Variants in CDCA5 observed in about 807,000 individuals in gnomAD.
CDCA5 encodes the protein cell division cycle associated 5.
CDCA5 carries 14 observed loss-of-function variants against 25.7 expected under a neutral mutation model. That is an observed-to-expected ratio of 0.54 (90% CI 0.36 to 0.85). The LOEUF is 0.85. CDCA5 is among the 40% of genes least tolerant of loss of function. The probability of loss-of-function intolerance (pLI) is 0.01; values close to 1 mark genes in which losing one functional copy is unlikely to be tolerated. For missense variants in CDCA5, 307 were observed against 324.5 expected, an observed-to-expected ratio of 0.95 and a Z score of 0.41; for synonymous variants, 127 against 128.7, an observed-to-expected ratio of 0.99 and a Z score of 0.09.
intron 4 of CDCA5, among the ~76,000 whole-genome samples, chr11:65,082,021 AG>A (rs1307720649): frequency 6.6e-6 from 1 of 152,212 alleles, no homozygotes; most frequent in Admixed American, 6.5e-5. Flanking sequence ...AAGGGTGGTC[AG>A]GGAAGGCCAC....
downstream of CDCA5, among the ~76,000 whole-genome samples, chr11:65,073,774 G>T (rs188020908): frequency 6.6e-6 from 1 of 152,304 alleles, no homozygotes; most frequent in African/African-American, 2.4e-5. Context: ...GGGAAGAAGA[G>T]ACTTCAAAGG....
intron 1 of CDCA5, among the ~76,000 whole-genome samples, chr11:65,069,250 A>AG (rs1236037227): frequency 6.6e-6 from 1 of 151,490 alleles, no homozygotes; most frequent in Non-Finnish European, 1.5e-5. Flanking sequence ...AAAAAAAAAA[A>AG]AAAAAAGCTG....
chr11:65,079,913 C>G, intron 4 of CDCA5, 126 bp from the exon 5 acceptor site: 3 of 628,162 alleles, frequency 4.8e-6, no homozygotes, highest in Non-Finnish European at 4.9e-6. Context: ...TTTTTTGAGA[C>G]GGAGTCTTGC....
At position 65,083,647 on chromosome 11, in the gene CDCA5, G is replaced by A; in HGVS notation, c.123C>T (p.Leu41=). Residue 41 remains leucine (L), a synonymous_variant, in exon 2 of 6, where the codon CTC becomes CTT. Transcript: ENST00000275517. ...RKSGSELPSI[L]PEIWPKTPSA... ...GGCTCACCTTCGGCCAGATTTCAGG[G>A]AGGATGCTCGGGAGTTCAGAGCCTG... is the stretch of plus-strand genomic sequence containing the variant. 6.2e-7 allele frequency: 1 copy of A among 1,614,206 alleles called. No homozygotes were observed. Among genetic ancestry groups the A allele is most frequent in the Non-Finnish European group, 8.5e-7 (1 of 1,180,026 alleles).
intron 4 of CDCA5, chr11:65,083,107 T>C: frequency 1.8e-6 from 1 of 547,890 alleles, no homozygotes; most frequent in Non-Finnish European, 3.3e-6. Context: ...AGAAAGGCAG[T>C]ACGTGGAGTT....
rs148221340 is a variant in CDCA5 at position 65,068,683 on chromosome 11, G to C, written c.64-82C>G. 119 of 793,810 alleles carry C rather than the reference G, an allele frequency of 1.5e-4. No individual in the cohort carries two copies. In the African/African-American group the frequency reaches 2.0e-3, roughly 13 times the overall value. 49.2% of individuals were successfully genotyped at this position (793,810 alleles called of 1,614,324 possible). On this transcript the variant is annotated intron_variant, in intron 1 of 6. Coordinates refer to the CDCA5 transcript ENST00000525464. ...TCTAGCCTGGTCTGGTTTTTAGGGG[G>C]CGGCTTCCAGCCTGGCGAGCGTCTA... is the stretch of plus-strand genomic sequence containing the variant.
rs189520759 is a variant in CDCA5 at position 65,070,066 on chromosome 11, C to G, written c.64-1465G>C. On this transcript the variant is annotated intron_variant, in intron 1 of 6. Transcript: ENST00000525464. ...TGTGCCGCCGGGTCTCAAACAAGGA[C>G]GCAGGGGAGACCAGAAGAGGGAATG... Among the ~76,000 whole-genome samples, 53 of 152,308 alleles carry G rather than the reference C, an allele frequency of 3.5e-4. No homozygotes were observed. The East Asian group carries it at 7.3e-3, about 21-fold the overall frequency.
intron 1 of CDCA5, 71 bp from the exon 2 acceptor site, chr11:65,083,794 G>A (rs753622962): frequency 4.1e-5 from 65 of 1,576,520 alleles, no homozygotes; most frequent in Non-Finnish European, 4.8e-5. Flanking sequence ...AGGTTCTAGA[G>A]ACAGCGAGAA....
At chr11:65,074,161 C>T (rs1480106333), downstream of CDCA5, among the ~76,000 whole-genome samples, 6 of 152,210 alleles carry the variant, frequency 3.9e-5, no homozygotes, top group Non-Finnish European at 8.8e-5. Context: ...CAACTTCCAC[C>T]TCCTGGGTTC....
chr11:65,063,576 G>A (rs1947205146), downstream of CDCA5, among the ~76,000 whole-genome samples: 1 of 152,246 alleles, frequency 6.6e-6, no homozygotes, highest in Admixed American at 6.5e-5. Context: ...ACAGCAAGGG[G>A]TGGAGCTGAG....
At chr11:65,072,451 C>T (rs1947359571) in intron 1 of CDCA5, among the ~76,000 whole-genome samples, 1 of 152,208 alleles carries the variant, frequency 6.6e-6, no homozygotes, top group African/African-American at 2.4e-5. Context: ...GTCCACTCTC[C>T]AAGAAATGGG....
intron 1 of CDCA5, among the ~76,000 whole-genome samples, chr11:65,070,731 C>G (rs1565270873): frequency 6.6e-6 from 1 of 152,154 alleles, no homozygotes; most frequent in Non-Finnish European, 1.5e-5. Context: ...ATTCTCCTGC[C>G]TCCTCCTCTC....
At chr11:65,069,930 G>C (rs1439888959) in intron 1 of CDCA5, among the ~76,000 whole-genome samples, 2 of 152,242 alleles carry the variant, frequency 1.3e-5, no homozygotes, top group African/African-American at 2.4e-5. Context: ...GTTTGCAGCT[G>C]ACCACAGTGC....
chr11:65,063,332 C>T (rs763891307), downstream of CDCA5, among the ~76,000 whole-genome samples: 36 of 152,296 alleles, frequency 2.4e-4, no homozygotes, highest in Non-Finnish European at 4.6e-4. Flanking sequence ...GAATACCAGG[C>T]CCTTTAGTGG....
At position 65,078,311 on chromosome 11, in the gene CDCA5, G is replaced by A; in HGVS notation, c.*796C>T. Reference sequence around the variant, plus strand: ...AGCGTGGGCCCTGTGCAAGGGACCAGCCCAGAGGCCATGAGCCACAGAAAC... The same window carrying A: ...AGCGTGGGCCCTGTGCAAGGGACCAACCCAGAGGCCATGAGCCACAGAAAC... On this transcript the variant is annotated 3_prime_UTR_variant, in exon 6 of 6. Transcript: ENST00000275517. 1.0e-6 allele frequency: 1 copy of A among 985,562 alleles called. No homozygotes were observed. The highest frequency in any genetic ancestry group is 1.7e-5 in the African/African-American group (1 of 57,322). The allele number at this position is 985,562 out of a possible 1,614,324, so 61.1% of individuals were successfully genotyped here.
rs1198163408 is a variant in CDCA5 at position 65,071,086 on chromosome 11, T to C, written c.64-2485A>G. Among the ~76,000 whole-genome samples the C allele has an allele frequency of 7.3e-5, 11 of 150,330 alleles. No homozygotes were observed. In the East Asian group the frequency reaches 1.8e-3, roughly 24 times the overall value. On this transcript the variant is annotated intron_variant, in intron 1 of 6. Coordinates refer to the CDCA5 transcript ENST00000525464. ...CCTCCCGAGTAGCTGGGACTACAGG[T>C]GCCCGCCACCACACCCGGCTAATTT...
rs1427444723 is a variant in CDCA5, at chr11:65,083,720, G to A, written c.50C>T (p.Pro17Leu). 2.5e-6 allele frequency: 4 copies of A among 1,610,912 alleles called. No individual in the cohort carries two copies. The highest frequency in any genetic ancestry group is 3.4e-6 in the Non-Finnish European group (4 of 1,179,046). Residue 17 changes from proline to leucine, a missense_variant, in exon 2 of 6, where the codon CCA becomes CTA. Physicochemically the swap from Pro to Leu is moderately conservative, Grantham distance 98. Coordinates refer to ENST00000275517, the MANE Select transcript of CDCA5 (RefSeq NM_080668.4). The part of the protein sequence containing the change: ...RSGGAAQRSG[P>L]RAPSPTKPLR... ...AGGCTTAGTAGGAGATGGGGCCCTT[G>A]GCCCTGGAAAGAGAAAAAAGTTAAG... is the stretch of plus-strand genomic sequence containing the variant.
intron 1 of CDCA5, among the ~76,000 whole-genome samples, chr11:65,072,213 G>A (rs1244632130): frequency 6.6e-6 from 1 of 152,186 alleles, no homozygotes; most frequent in African/African-American, 2.4e-5. Context: ...TCTCAGATGT[G>A]GGTGGACTGA....
chr11:65,061,453 G>T (rs899257200), downstream of CDCA5, among the ~76,000 whole-genome samples: 1 of 152,112 alleles, frequency 6.6e-6, no homozygotes, highest in African/African-American at 2.4e-5. Context: ...TTATGGTTTT[G>T]GGCTACTAGG....
Sources: gnomAD v4.1 joint callset for allele counts (sites outside exome capture counted in the v4.1 genomes callset) on GRCh38, gnomAD v4.1.1 for gene constraint, MANE v1.5 for transcripts, NCBI Gene and HGNC (gene_info 2026-07-23, HGNC 2026-07-21) for gene names.